LYPLAL1: variants seen among roughly 807,000 people sequenced by gnomAD.
The protein encoded by LYPLAL1 is lysophospholipase-like protein 1.
LYPLAL1 carries 23 observed loss-of-function variants against 19.7 expected under a neutral mutation model. That is an observed-to-expected ratio of 1.17 (90% confidence interval 0.84 to 1.65). The LOEUF is 1.65. LYPLAL1 is among the 40% of genes most tolerant of loss of function. The probability of loss-of-function intolerance (pLI) is 0.00; values close to 1 mark genes in which losing one functional copy is unlikely to be tolerated. For missense variants in LYPLAL1, 355 were observed against 279.4 expected (o/e 1.27, Z -1.93); for synonymous variants, 119 against 96.3 (o/e 1.24, Z -1.38).
At chr1:219,348,632 A>T in the LYPLAL1 span, among the ~76,000 whole-genome samples, 21 of 152,216 alleles carry the variant, frequency 1.4e-4, no homozygotes, top group African/African-American at 3.9e-4. Context: ...TAGTTAAATC[A>T]TCAGGTTTGA....
the LYPLAL1 span, among the ~76,000 whole-genome samples, chr1:219,440,024 CAT>C: frequency 6.8e-5 from 9 of 132,382 alleles, no homozygotes; most frequent in East Asian, 4.5e-4. Context: ...CACACACACA[CAT>C]ATATATATAT....
chr1:219,199,359 T>A (rs1036798340), intron 3 of LYPLAL1, among the ~76,000 whole-genome samples: 3 of 152,172 alleles, frequency 2.0e-5, no homozygotes, highest in Non-Finnish European at 4.4e-5. Context: ...TGGTAAAAAA[T>A]TTTATAACAC....
At chr1:219,364,609 C>A in the LYPLAL1 span, among the ~76,000 whole-genome samples, 127 of 152,236 alleles carry the variant, frequency 8.3e-4, no homozygotes, top group Non-Finnish European at 1.6e-3. Context: ...AGAATGCAAA[C>A]TCCATAGTGT....
chr1:219,191,711 TG>T (rs1348444153), intron 2 of LYPLAL1, among the ~76,000 whole-genome samples: 1 of 151,362 alleles, frequency 6.6e-6, no homozygotes, highest in African/African-American at 2.4e-5. Context: ...AAGATTGACA[TG>T]AAAAACATCT....
At chr1:219,183,434 A>G (rs960970067) in intron 2 of LYPLAL1, among the ~76,000 whole-genome samples, 4 of 152,042 alleles carry the variant, frequency 2.6e-5, no homozygotes, top group Admixed American at 6.6e-5. Flanking sequence ...ATGTTTCTTT[A>G]AAATTTACAG....
the LYPLAL1 span, among the ~76,000 whole-genome samples, chr1:219,239,341 AG>A: frequency 6.6e-6 from 1 of 152,238 alleles, no homozygotes. Flanking sequence ...AATCCAGCAC[AG>A]GTCCTGGTAC....
At chr1:219,341,889 A>G in the LYPLAL1 span, among the ~76,000 whole-genome samples, 1 of 152,186 alleles carries the variant, frequency 6.6e-6, no homozygotes, top group Non-Finnish European at 1.5e-5. Flanking sequence ...AATAAGGAGC[A>G]TTTGATATCT....
chr1:219,415,702 A>G, the LYPLAL1 span, among the ~76,000 whole-genome samples: 1 of 152,218 alleles, frequency 6.6e-6, no homozygotes. Context: ...GCTTAAAACA[A>G]TAGAAATCTT....
chr1:219,214,688 C>CTTTTTTTTTTTTTTTT (rs11477665), downstream of LYPLAL1, among the ~76,000 whole-genome samples: 1 of 90,386 alleles, frequency 1.1e-5, no homozygotes. Context: ...TTTTTCTTTT[C>CTTTTTTTTTTTTTTTT]TTTTTTTTTT....
At chr1:219,287,411 G>C in the LYPLAL1 span, among the ~76,000 whole-genome samples, 1 of 152,184 alleles carries the variant, frequency 6.6e-6, no homozygotes, top group Non-Finnish European at 1.5e-5. Context: ...AAGATATATG[G>C]ATGGCAAATA....
At chr1:219,188,206 A>G (rs187042830) in intron 2 of LYPLAL1, among the ~76,000 whole-genome samples, 20 of 151,942 alleles carry the variant, frequency 1.3e-4, no homozygotes, top group Middle Eastern at 3.4e-3. Context: ...CCTGCTCTCA[A>G]TGAGCTCATG....
chr1:219,179,901 A>ATT (rs966695751), intron 2 of LYPLAL1, among the ~76,000 whole-genome samples: 1 of 151,470 alleles, frequency 6.6e-6, no homozygotes, highest in East Asian at 1.9e-4. Context: ...AGGGATTGGG[A>ATT]TTTTTTTTTG....
the LYPLAL1 span, among the ~76,000 whole-genome samples, chr1:219,384,145 C>A: frequency 1.4e-4 from 22 of 152,292 alleles, no homozygotes; most frequent in African/African-American, 4.8e-4. Flanking sequence ...CCATTTTCAT[C>A]TTTACCAGTG....
the LYPLAL1 span, among the ~76,000 whole-genome samples, chr1:219,365,044 T>C: frequency 6.6e-6 from 1 of 152,160 alleles, no homozygotes; most frequent in Non-Finnish European, 1.5e-5. Flanking sequence ...TTTGTCATAC[T>C]ATTGATATAT....
chr1:219,406,413 T>C, the LYPLAL1 span, among the ~76,000 whole-genome samples: 3 of 152,170 alleles, frequency 2.0e-5, no homozygotes, highest in South Asian at 6.2e-4. Context: ...CCTCACTGCT[T>C]TCATTAACTT....
At chr1:219,328,200 C>T in the LYPLAL1 span, among the ~76,000 whole-genome samples, 1 of 152,138 alleles carries the variant, frequency 6.6e-6, no homozygotes, top group Non-Finnish European at 1.5e-5. Flanking sequence ...GAAAACTGAG[C>T]TCCAGTTTCT....
the LYPLAL1 span, among the ~76,000 whole-genome samples, chr1:219,431,935 A>C: frequency 6.6e-6 from 1 of 152,318 alleles, no homozygotes; most frequent in South Asian, 2.1e-4. Flanking sequence ...CGATCTCAGC[A>C]ATACGATTGA....
chr1:219,345,971 C>T, the LYPLAL1 span, among the ~76,000 whole-genome samples: 33 of 152,126 alleles, frequency 2.2e-4, no homozygotes, highest in African/African-American at 8.0e-4. Context: ...CCTCTGGCCC[C>T]AGGGTCAGCA....
intron 2 of LYPLAL1, among the ~76,000 whole-genome samples, chr1:219,179,924 G>C (rs1303641970): frequency 6.6e-6 from 1 of 152,178 alleles, no homozygotes; most frequent in African/African-American, 2.4e-5. Context: ...TAAGTGAAAT[G>C]ATGTGTGGAG....
Sources: allele counts gnomAD v4.1 joint callset (sites outside exome capture counted in the v4.1 genomes callset), GRCh38; gene constraint gnomAD v4.1.1; transcripts MANE v1.5; gene names NCBI Gene and HGNC (gene_info 2026-07-23, HGNC 2026-07-21).